The following RPS3A variants were observed in gnomAD, a reference collection of about 807,000 sequenced individuals.
RPS3A encodes the protein ribosomal protein S3A.
In RPS3A, 1 loss-of-function variant was observed where a neutral mutation model predicts 26.4. The ratio of observed to expected loss-of-function variants is 0.04; its 90% CI spans 0.01 to 0.18. The LOEUF (loss-of-function observed/expected upper bound fraction) is 0.18, where lower values mean the gene tolerates loss of function less well. RPS3A is among the 10% of genes least tolerant of loss of function. The probability of loss-of-function intolerance (pLI) is 1.00; values close to 1 mark genes in which losing one functional copy is unlikely to be tolerated. For missense variants in RPS3A, 139 were observed against 326.8 expected (o/e 0.43, Z 4.43); for synonymous variants, 97 against 106.1 (o/e 0.91, Z 0.53).
Position 151,100,727 on chromosome 4 carries a change from G to A in RPS3A, c.166+139G>A, listed in dbSNP as rs535195742. ...CTTGGTTGCAGCCTTGGCACCTGTGGTGATCATTTTTAGTACAGCACTTGG... is the reference window on the plus strand; with the variant it reads ...CTTGGTTGCAGCCTTGGCACCTGTGATGATCATTTTTAGTACAGCACTTGG... On this transcript the variant is annotated intron_variant, in intron 2 of 5. Transcript: ENST00000274065. 83 of 652,592 alleles carry A rather than the reference G, an allele frequency of 1.3e-4. 3 individuals carry two copies. In the South Asian group the frequency reaches 1.6e-3, roughly 12 times the overall value. 40.4% of individuals were successfully genotyped at this position (652,592 alleles called of 1,614,324 possible). A position where few individuals can be genotyped will look rare whatever the true frequency, so the allele number is the denominator to read the frequency against.
At position 151,099,650 on chromosome 4, in the gene RPS3A, A is replaced by C. The variant is rs543997120; in HGVS notation, c.-3A>C. 1 of 1,613,774 alleles carries C rather than the reference A, an allele frequency of 6.2e-7. No individual in the cohort carries two copies. The highest frequency in any genetic ancestry group is 1.3e-5 in the African/African-American group (1 of 74,946). ...CCGCCCTTTTGGCTCTCTGACCAGC[A>C]CCATGGCGGTTGGCAAGAACAAGCG... On this transcript the variant is annotated 5_prime_UTR_variant, in exon 1 of 6. Transcript: ENST00000274065.
At chr4:151,102,103 T>G (rs1747144427) in intron 3 of RPS3A, 2 of 517,348 alleles carry the variant, frequency 3.9e-6, no homozygotes, top group South Asian at 2.8e-5. Flanking sequence ...ACATACTGAT[T>G]ATACCATTAT....
chr4:151,100,809 C>A (rs1747085082), intron 2 of RPS3A, among the ~76,000 whole-genome samples, 166 bp from the exon 3 acceptor site: 1 of 152,172 alleles, frequency 6.6e-6, no homozygotes, highest in Non-Finnish European at 1.5e-5. Flanking sequence ...TAGTTCTGAG[C>A]TTCAAATAAG....
intron 3 of RPS3A, 33 bp downstream of exon 3, chr4:151,101,195 TA>T: frequency 6.9e-7 from 1 of 1,449,254 alleles, no homozygotes; most frequent in Non-Finnish European, 9.6e-7. Flanking sequence ...GTGGTTGTGC[TA>T]TGGGTGTTTG....
chr4:151,102,852 C>G lies in RPS3A; in HGVS notation c.355-19C>G, dbSNP rs773652783. On this transcript the variant is annotated intron_variant, in intron 3 of 5. Transcript: ENST00000274065. The stretch of plus-strand genomic sequence containing the variant: ...ATAACGTAAAACCTGTTAAATCTGA[C>G]GGTATCTTTTTTCTCCAGACAATGA... 1 of 1,605,118 alleles carries G rather than the reference C, an allele frequency of 6.2e-7. No individual in the cohort carries two copies.
chr4:151,099,917 C>G (rs549517973), intron 1 of RPS3A: 22 of 601,468 alleles, frequency 3.7e-5, no homozygotes, highest in South Asian at 3.2e-4. Flanking sequence ...CCTTCTGGTC[C>G]TTGCGCGCGT....
rs376971847 is a variant in RPS3A at position 151,101,594 on chromosome 4, T to C, written c.354+432T>C. On this transcript the variant is annotated intron_variant, in intron 3 of 5. Transcript: ENST00000274065. ...TGGGCTCCATTTGCCTATTGTGTTC[T>C]CGTTGGAAAGTAACTTGTTTTCTAA... is the stretch of plus-strand genomic sequence containing the variant. Among the ~76,000 whole-genome samples, 1,136 of 152,322 alleles carry C rather than the reference T, an allele frequency of 7.5e-3. 129 individuals are homozygous for C. In the South Asian group the frequency reaches 0.22, roughly 29 times the overall value.
rs550712429 is a variant in RPS3A, at chr4:151,103,212, T to C, written c.563+133T>C. ...GTGAATCCTTCTAGCTATATCTCTT[T>C]AAGTGAAAGAGTGTTAAGTACTCAG... On this transcript the variant is annotated intron_variant, in intron 4 of 5. Transcript: ENST00000274065. 5 of 1,406,308 alleles carry C rather than the reference T, an allele frequency of 3.6e-6. No individual in the cohort carries two copies. In the Admixed American group the frequency reaches 8.1e-5, roughly 23 times the overall value. 87.1% of individuals were successfully genotyped at this position (1,406,308 alleles called of 1,614,324 possible). A position where few individuals can be genotyped will look rare whatever the true frequency, so the allele number is the denominator to read the frequency against.
At position 151,104,439 on chromosome 4, in the gene RPS3A, G is replaced by GTTTTTTTTT. The variant is rs386401872; in HGVS notation, c.674-18_674-10dup. On this transcript the variant is annotated intron_variant, in intron 5 of 5. Transcript: ENST00000274065. ...TTCAAGATATACTAACAGTTTTTTGGTTTTTTTTTTTTTTTTTTTTTTTGC... is the reference window on the plus strand; with the variant it reads ...TTCAAGATATACTAACAGTTTTTTGGTTTTTTTTTTTTTTTTTTTTTTTTTTTTTTTTGC... The GTTTTTTTTT allele has an allele frequency of 7.0e-4, 500 of 711,228 alleles. 10 individuals are homozygous for GTTTTTTTTT. The highest frequency in any genetic ancestry group is 1.9e-3 in the African/African-American group (66 of 34,812). The allele number at this position is 711,228 out of a possible 1,614,324, so 44.1% of individuals were successfully genotyped here.
rs1409273901 is a variant in RPS3A at position 151,104,509 on chromosome 4, T to G, written c.711T>G (p.Ser237Arg). Residue 237 changes from serine to arginine, a missense_variant, in exon 6 of 6, where the codon AGT becomes AGG. Physicochemically the swap from Ser to Arg is moderately radical, Grantham distance 110. Transcript: ENST00000274065. ...TGGAGCTTCATGGTGAAGGCAGTAG[T>G]TCTGGAAAAGCCACTGGGGACGAGA... ...KLMELHGEGS[S>R]SGKATGDETG... 2 of 1,558,580 alleles carry G rather than the reference T, an allele frequency of 1.3e-6. No individual in the cohort carries two copies. The highest frequency in any genetic ancestry group is 1.4e-5 in the African/African-American group (1 of 70,104).
At chr4:151,104,439 G>GTTTTTTTTTGTTT (rs1747274844) in intron 5 of RPS3A, 33 bp from the exon 6 acceptor site, 13 of 711,694 alleles carry the variant, frequency 1.8e-5, no homozygotes, top group Middle Eastern at 5.9e-4. Context: ...CAGTTTTTTG[G>GTTTTTTTTTGTTT]TTTTTTTTTT....
rs1747033023 is a variant in RPS3A at position 151,099,783 on chromosome 4, C to G, written c.62+69C>G. ...TGGAATCGGCGGGCTGGTCCTAGAT[C>G]GCGGCGTAGGCCGGATGGCGAGGAT... On this transcript the variant is annotated intron_variant, in intron 1 of 5. Transcript: ENST00000274065. The G allele has an allele frequency of 1.0e-5, 15 of 1,495,344 alleles. No homozygotes were observed. The South Asian group carries it at 1.7e-4, about 16-fold the overall frequency. 92.6% of individuals were successfully genotyped at this position (1,495,344 alleles called of 1,614,324 possible).
chr4:151,100,946 G>A (rs2149703258), intron 2 of RPS3A, 29 bp from the exon 3 acceptor site: 2 of 1,528,850 alleles, frequency 1.3e-6, no homozygotes, highest in Non-Finnish European at 1.8e-6. Context: ...GTTCCTAAAT[G>A]TTAAGATACT....
At chr4:151,102,750 A>G in intron 3 of RPS3A, 121 bp from the exon 4 acceptor site, 1 of 1,121,902 alleles carries the variant, frequency 8.9e-7, no homozygotes, top group South Asian at 1.7e-5. Flanking sequence ...GATGTTACTT[A>G]TGTTAGGATA....
chr4:151,102,725 C>A, intron 3 of RPS3A, 146 bp from the exon 4 acceptor site: 2 of 994,864 alleles, frequency 2.0e-6, no homozygotes, highest in Non-Finnish European at 2.9e-6. Context: ...GAAGTTAATT[C>A]TGTAAACTTA....
intron 3 of RPS3A, among the ~76,000 whole-genome samples, chr4:151,102,349 T>G (rs755616812): frequency 6.8e-6 from 1 of 146,680 alleles, no homozygotes; most frequent in Non-Finnish European, 1.5e-5. Context: ...GCTCTGAAAT[T>G]GGGTATTTAA....
chr4:151,102,391 A>T (rs1418300696), intron 3 of RPS3A, among the ~76,000 whole-genome samples: 1 of 152,200 alleles, frequency 6.6e-6, no homozygotes. Context: ...GGAACATAAA[A>T]GACGTCTTTC....
At chr4:151,104,438 GGTTT>G in intron 5 of RPS3A, 30 bp from the exon 6 acceptor site, 1 of 370,330 alleles carries the variant, frequency 2.7e-6, no homozygotes, top group Non-Finnish European at 4.1e-6. Context: ...ACAGTTTTTT[GGTTT>G]TTTTTTTTTT....
Position 151,103,756 on chromosome 4 carries a change from A to G in RPS3A, c.564-421A>G, listed in dbSNP as rs182559409. On this transcript the variant is annotated intron_variant, in intron 4 of 5. Transcript: ENST00000274065. ...GTCCCAAAAAATAAAAAATATACGTATATATATATACACACACAAAGAAAA... is the reference window on the plus strand; with the variant it reads ...GTCCCAAAAAATAAAAAATATACGTGTATATATATACACACACAAAGAAAA... 1.5e-3 allele frequency: 1,774 copies of G among 1,164,152 alleles called. 22 individuals carry two copies. The African/African-American group carries it at 0.026, about 17-fold the overall frequency. 72.1% of individuals were successfully genotyped at this position (1,164,152 alleles called of 1,614,324 possible). A position where few individuals can be genotyped will look rare whatever the true frequency, so the allele number is the denominator to read the frequency against.
Sources: allele counts gnomAD v4.1 joint callset (sites outside exome capture counted in the v4.1 genomes callset), GRCh38; gene constraint gnomAD v4.1.1; transcripts MANE v1.5; gene names NCBI Gene and HGNC (gene_info 2026-07-23, HGNC 2026-07-21).